GRHL2: variants seen among roughly 807,000 people sequenced by gnomAD.
GRHL2 encodes the protein grainyhead like transcription factor 2, also known as grainyhead-like protein 2 homolog.
In GRHL2, 21 loss-of-function variants were observed where a neutral mutation model predicts 83.8. The observed-to-expected ratio is 0.25, with a 90% CI of 0.18 to 0.36. The LOEUF is 0.36. Ranked by LOEUF, GRHL2 falls within the 10% of genes least tolerant of loss-of-function variation. The pLI, the probability that GRHL2 is intolerant of heterozygous loss-of-function variation, is 1.00. For missense variants in GRHL2, 623 were observed against 781.8 expected, an observed-to-expected ratio of 0.80 and a Z score of 2.42; for synonymous variants, 280 against 278.9, an observed-to-expected ratio of 1.00 and a Z score of -0.04.
At position 101,654,407 on chromosome 8, in the gene GRHL2, A is replaced by G. The variant is rs537533602; in HGVS notation, c.1698+4908A>G. ...GATCTTAGCTGAGCAGATGATGGCA[A>G]TGATGTTGATGATGCAGCTATTTCC... is the stretch of plus-strand genomic sequence containing the variant. On this transcript the variant is annotated intron_variant, in intron 14 of 15. Coordinates refer to ENST00000646743, the MANE Select transcript of GRHL2 (RefSeq NM_024915.4). Among the ~76,000 whole-genome samples the G allele has an allele frequency of 2.0e-5, 3 of 152,296 alleles. No individual in the cohort carries two copies. The South Asian group carries it at 6.2e-4, about 32-fold the overall frequency.
intron 7 of GRHL2, among the ~76,000 whole-genome samples, chr8:101,579,509 G>A (rs1216556469): frequency 6.6e-6 from 1 of 152,146 alleles, no homozygotes; most frequent in Admixed American, 6.5e-5. Context: ...AGCTTCATGG[G>A]TAGCTGGGCT....
chr8:101,507,487 T>A (rs1360584375), intron 1 of GRHL2, among the ~76,000 whole-genome samples: 1 of 152,182 alleles, frequency 6.6e-6, no homozygotes, highest in African/African-American at 2.4e-5. Context: ...TCAGAGATGT[T>A]AATACTGTTA....
At chr8:101,634,890 T>C (rs898526363) in intron 11 of GRHL2, among the ~76,000 whole-genome samples, 1 of 152,236 alleles carries the variant, frequency 6.6e-6, no homozygotes, top group Admixed American at 6.5e-5. Context: ...GCAGGTGCTA[T>C]GGAGCCCTTC....
chr8:101,605,986 C>G (rs558695869), intron 8 of GRHL2, among the ~76,000 whole-genome samples: 12 of 152,178 alleles, frequency 7.9e-5, no homozygotes, highest in African/African-American at 2.9e-4. Context: ...TATATTTTTT[C>G]TGTTATGAAT....
chr8:101,579,667 T>C (rs889197161), intron 7 of GRHL2, among the ~76,000 whole-genome samples: 1 of 152,206 alleles, frequency 6.6e-6, no homozygotes, highest in Non-Finnish European at 1.5e-5. Context: ...ATACAATTCA[T>C]TCTTCTGCTA....
chr8:101,680,892 C>T, the GRHL2 span, among the ~76,000 whole-genome samples: 2 of 125,850 alleles, frequency 1.6e-5, no homozygotes, highest in Admixed American at 8.4e-5. Flanking sequence ...AACAAAGACA[C>T]AACATACCAG....
chr8:101,556,514 A>G (rs745942604), intron 3 of GRHL2, among the ~76,000 whole-genome samples: 2 of 152,160 alleles, frequency 1.3e-5, no homozygotes, highest in Non-Finnish European at 2.9e-5. Flanking sequence ...ATGAGTTCTT[A>G]TTTGTTTCTG....
intron 1 of GRHL2, among the ~76,000 whole-genome samples, chr8:101,538,789 T>G (rs967672313): frequency 6.6e-6 from 1 of 152,206 alleles, no homozygotes; most frequent in Non-Finnish European, 1.5e-5. Context: ...TTAAACTTCA[T>G]TCAACAGTGC....
chr8:101,507,851 C>T (rs905569222), intron 1 of GRHL2, among the ~76,000 whole-genome samples: 1 of 144,434 alleles, frequency 6.9e-6, no homozygotes, highest in Non-Finnish European at 1.5e-5. Flanking sequence ...AGTCTCAGCT[C>T]ACTGCAACCT....
chr8:101,652,608 T>C (rs1813695296), intron 14 of GRHL2, among the ~76,000 whole-genome samples: 1 of 105,738 alleles, frequency 9.5e-6, no homozygotes. Flanking sequence ...GTGGTGTGTG[T>C]GTGTGGTGTG....
rs966912890 is a variant in GRHL2 at position 101,509,066 on chromosome 8, C to T, written c.20+16277C>T. ...TTCTCAGGCTTGGTCAGGCTTTCAT[C>T]CCTTCCCTGTTTGTTTGTTTTCCTT... On this transcript the variant is annotated intron_variant, in intron 1 of 15. Coordinates refer to ENST00000646743, the MANE Select transcript of GRHL2 (RefSeq NM_024915.4). Among the ~76,000 whole-genome samples, 8 of 151,684 alleles carry T rather than the reference C, an allele frequency of 5.3e-5. No individual in the cohort carries two copies. The East Asian group carries it at 5.8e-4, about 11-fold the overall frequency.
chr8:101,666,317 T>C (rs188360831), intron 15 of GRHL2, among the ~76,000 whole-genome samples: 1 of 152,300 alleles, frequency 6.6e-6, no homozygotes, highest in East Asian at 1.9e-4. Flanking sequence ...GCTTCCTAAC[T>C]TCCCTGGGCC....
At chr8:101,509,208 CTTGTGT>C (rs1327561262) in intron 1 of GRHL2, among the ~76,000 whole-genome samples, 1 of 4,102 alleles carries the variant, frequency 2.4e-4, no homozygotes, top group East Asian at 2.7e-3. Context: ...TTTCTTTCTT[CTTGTGT>C]GTGTGTGTGT....
rs1193845876 is a variant in GRHL2, at chr8:101,543,809, C to T, written c.216+373C>T. ...GAGTGGCTTTATTAGTCCATTTTCA[C>T]ACTGCTGATAAAGACATACTGGAGA... On this transcript the variant is annotated intron_variant, in intron 2 of 15. Transcript: ENST00000646743. The T allele has an allele frequency of 2.8e-5, 8 of 283,756 alleles. No individual in the cohort carries two copies. In the East Asian group the frequency reaches 3.9e-4, roughly 14 times the overall value. The allele number at this position is 283,756 out of a possible 1,614,324, so 17.6% of individuals were successfully genotyped here.
chr8:101,652,552 GTA>G (rs1586173659), intron 14 of GRHL2, among the ~76,000 whole-genome samples: 10 of 90,884 alleles, frequency 1.1e-4, no homozygotes, highest in African/African-American at 3.8e-4. Context: ...TGTGTGGTGT[GTA>G]TGTGTGGTGG....
chr8:101,572,460 T>C (rs921997322), intron 5 of GRHL2, among the ~76,000 whole-genome samples: 6 of 152,208 alleles, frequency 3.9e-5, no homozygotes, highest in Non-Finnish European at 7.3e-5. Flanking sequence ...AATAAAACAT[T>C]ACAGGAATAT....
chr8:101,519,411 T>G (rs1586414127), intron 1 of GRHL2, among the ~76,000 whole-genome samples: 1 of 570 alleles, frequency 1.8e-3, no homozygotes, highest in East Asian at 0.025. Context: ...ATTACTTGAA[T>G]TTTTTTTTAA....
chr8:101,547,535 A>C (rs1290087926), intron 2 of GRHL2, among the ~76,000 whole-genome samples: 4 of 152,180 alleles, frequency 2.6e-5, no homozygotes, highest in Non-Finnish European at 5.9e-5. Context: ...ATACTTCATA[A>C]ATTTCAAGGT....
At chr8:101,562,242 C>A in intron 4 of GRHL2, 1 of 602,944 alleles carries the variant, frequency 1.7e-6, no homozygotes, top group South Asian at 1.5e-5. Context: ...CCATAGCTCT[C>A]ACTGGTATTC....
Sources: gnomAD v4.1 joint callset for allele counts (sites outside exome capture counted in the v4.1 genomes callset) on GRCh38, gnomAD v4.1.1 for gene constraint, MANE v1.5 for transcripts, NCBI Gene and HGNC (gene_info 2026-07-23, HGNC 2026-07-21) for gene names.